The following RBPJ variants were observed in gnomAD, a reference collection of about 807,000 sequenced individuals.
RBPJ encodes the protein recombination signal binding protein for immunoglobulin kappa J region.
Under a neutral mutation model 67.8 loss-of-function variants are expected in RBPJ, and 9 were observed. The ratio of observed to expected loss-of-function variants is 0.13; its 90% CI spans 0.08 to 0.23. RBPJ has a LOEUF of 0.23. Ranked by LOEUF, RBPJ falls within the 10% of genes least tolerant of loss-of-function variation. RBPJ has a pLI of 1.00. For synonymous variants in RBPJ, 198 were observed against 203.3 expected (o/e 0.97, Z 0.22); for missense variants, 305 against 595.6 (o/e 0.51, Z 5.08).
chr4:26,114,382 G>A, the RBPJ span, among the ~76,000 whole-genome samples: 2,450 of 151,138 alleles, frequency 0.016, 30 homozygotes, highest in Non-Finnish European at 0.026. Flanking sequence ...GCTTGAACCC[G>A]GGAGATGGAG....
intron 1 of RBPJ, among the ~76,000 whole-genome samples, chr4:26,369,331 A>G (rs573676220): frequency 6.6e-6 from 1 of 152,364 alleles, no homozygotes; most frequent in Admixed American, 6.5e-5. Flanking sequence ...TGAGTGTGTT[A>G]TGCTAACAAT....
intron 2 of RBPJ, among the ~76,000 whole-genome samples, chr4:26,397,077 C>A (rs1732195059): frequency 6.6e-6 from 1 of 152,192 alleles, no homozygotes; most frequent in Admixed American, 6.5e-5. Context: ...GAAAATGAAA[C>A]CTACAAATAT....
rs1481687429 is a variant in RBPJ, at chr4:26,420,553, C to T, written c.324C>T (p.Asn108=). The T allele has an allele frequency of 6.3e-7, 1 of 1,596,770 alleles. No individual in the cohort carries two copies. The highest frequency in any genetic ancestry group is 8.5e-7 in the Non-Finnish European group (1 of 1,172,980). The change falls in exon 5 of 11, where the codon AAC becomes AAT. Residue 108 remains asparagine, a splice_region_variant and synonymous_variant. Transcript: ENST00000355476. The part of the protein sequence containing the change: ...EMQQLNLEGK[N]YCTAKTLYIS... The stretch of plus-strand genomic sequence containing the variant: ...AAAACTTTACTTTTCTTTCACAGAA[C>T]TATTGCACAGCCAAAACATTGTATA...
chr4:26,174,319 G>T (rs4343715), intron 1 of RBPJ, among the ~76,000 whole-genome samples: 1 of 151,928 alleles, frequency 6.6e-6, no homozygotes, highest in Non-Finnish European at 1.5e-5. Flanking sequence ...GACTTCCTCT[G>T]GTGACTGACA....
At chr4:26,123,313 G>A in the RBPJ span, among the ~76,000 whole-genome samples, 1 of 151,966 alleles carries the variant, frequency 6.6e-6, no homozygotes, top group Admixed American at 6.6e-5. Flanking sequence ...GCAAAAATAT[G>A]GTATAAAATA....
intron 1 of RBPJ, among the ~76,000 whole-genome samples, chr4:26,237,677 G>A (rs964828106): frequency 1.3e-5 from 2 of 152,124 alleles, no homozygotes; most frequent in East Asian, 1.9e-4. Flanking sequence ...CCATGATCAC[G>A]AGAAAATCAC....
At chr4:26,229,475 T>C (rs1719199339) in intron 1 of RBPJ, among the ~76,000 whole-genome samples, 1 of 152,180 alleles carries the variant, frequency 6.6e-6, no homozygotes, top group African/African-American at 2.4e-5. Flanking sequence ...CTTGGCTATT[T>C]CATGAAAGGC....
At chr4:26,347,819 T>G (rs79049308) in intron 1 of RBPJ, among the ~76,000 whole-genome samples, 3,173 of 152,294 alleles carry the variant, frequency 0.021, 53 homozygotes, top group Non-Finnish European at 0.032. Context: ...GCTTCTCATG[T>G]GTTAATGAAA....
intron 1 of RBPJ, among the ~76,000 whole-genome samples, chr4:26,269,237 TTA>T (rs1475156697): frequency 1.0e-4 from 15 of 150,058 alleles, no homozygotes; most frequent in African/African-American, 3.7e-4. Flanking sequence ...AATTTATTTT[TTA>T]TTATTTATTT....
intron 1 of RBPJ, among the ~76,000 whole-genome samples, chr4:26,377,977 G>T (rs908247396): frequency 2.0e-5 from 3 of 152,028 alleles, no homozygotes; most frequent in African/African-American, 7.2e-5. Flanking sequence ...AGGGTGTGTG[G>T]GTTTTATGTA....
intron 1 of RBPJ, among the ~76,000 whole-genome samples, chr4:26,283,462 T>C (rs1178564554): frequency 6.6e-6 from 1 of 150,564 alleles, no homozygotes; most frequent in Non-Finnish European, 1.5e-5. Flanking sequence ...GAAGAATCAC[T>C]TGAACCCGGG....
chr4:26,276,408 G>A (rs1721087634), intron 1 of RBPJ, among the ~76,000 whole-genome samples: 2 of 152,166 alleles, frequency 1.3e-5, no homozygotes, highest in African/African-American at 4.8e-5. Flanking sequence ...CAGAAATTGT[G>A]GATGTTAGAT....
At chr4:26,299,866 T>G (rs915021892) in intron 1 of RBPJ, among the ~76,000 whole-genome samples, 3 of 151,846 alleles carry the variant, frequency 2.0e-5, no homozygotes, top group Non-Finnish European at 4.4e-5. Context: ...TGTTTTCGTA[T>G]TTTTAGTAGA....
At chr4:26,195,553 T>C (rs1263239378) in intron 1 of RBPJ, among the ~76,000 whole-genome samples, 2 of 152,186 alleles carry the variant, frequency 1.3e-5, no homozygotes, top group African/African-American at 2.4e-5. Context: ...CTAAGGTCTA[T>C]ATCGAACTTC....
chr4:26,253,314 T>TC (rs1169483533), intron 1 of RBPJ, among the ~76,000 whole-genome samples: 2 of 143,782 alleles, frequency 1.4e-5, no homozygotes, highest in Non-Finnish European at 3.0e-5. Context: ...TTTCTTTTTT[T>TC]TTTTTTTTTT....
At chr4:26,272,052 C>T (rs1720933901) in intron 1 of RBPJ, among the ~76,000 whole-genome samples, 1 of 152,134 alleles carries the variant, frequency 6.6e-6, no homozygotes, top group Admixed American at 6.5e-5. Context: ...CAGCCTTAAC[C>T]AGGACTGGGT....
In RBPJ at chr4:26,244,176, CAT is replaced by C. The variant is rs1180836076; in HGVS notation, c.-167+80567_-167+80568del. On this transcript the variant is annotated intron_variant, in intron 1 of 4. Transcript: ENST00000512351. ...ATATATGTATATATATATGTATACA[CAT>C]ATATGTATACATATATGTGTCTATA... Among the ~76,000 whole-genome samples the C allele has an allele frequency of 6.8e-5, 10 of 146,334 alleles. 1 individual carries two copies. The highest frequency in any genetic ancestry group is 1.5e-4 in the African/African-American group (6 of 39,010).
the RBPJ span, among the ~76,000 whole-genome samples, chr4:26,155,692 C>T: frequency 1.3e-5 from 2 of 152,256 alleles, no homozygotes; most frequent in East Asian, 3.9e-4. Flanking sequence ...ACCTCAGCCT[C>T]CCAAAGTGCT....
Position 26,406,419 on chromosome 4 carries a change from G to A in RBPJ, c.155+149G>A, listed in dbSNP as rs187155273. On this transcript the variant is annotated intron_variant, in intron 3 of 10. Coordinates refer to ENST00000355476, the MANE Select transcript of RBPJ (RefSeq NM_015874.6). ...AATAGGGGATTTGTCTCCTGAAGGG[G>A]AGAAACAAAGTGAATTGTGGTATAC... 224 of 603,338 alleles carry A rather than the reference G, an allele frequency of 3.7e-4. 1 individual carries two copies. The East Asian group carries it at 5.5e-3, about 15-fold the overall frequency. The allele number at this position is 603,338 out of a possible 1,614,324, so 37.4% of individuals were successfully genotyped here.
Sources: allele counts gnomAD v4.1 joint callset (sites outside exome capture counted in the v4.1 genomes callset), GRCh38; gene constraint gnomAD v4.1.1; transcripts MANE v1.5; gene names NCBI Gene and HGNC (gene_info 2026-07-23, HGNC 2026-07-21).